The following SNAP23 variants were observed in gnomAD, a reference collection of about 807,000 sequenced individuals.
SNAP23 encodes the protein synaptosome associated protein 23.
A neutral mutation model predicts 29.0 loss-of-function variants in SNAP23; 11 were observed. The observed-to-expected ratio is 0.38, with a 90% confidence interval of 0.24 to 0.63. The LOEUF (loss-of-function observed/expected upper bound fraction) is 0.63, where lower values mean the gene tolerates loss of function less well. Among genes scored for constraint, SNAP23 ranks in the 20% least tolerant of loss-of-function variants. The pLI, the probability that SNAP23 is intolerant of heterozygous loss-of-function variation, is 0.58. For missense variants in SNAP23, 220 were observed against 253.9 expected, an observed-to-expected ratio of 0.87 and a Z score of 0.91; for synonymous variants, 60 against 82.9, an observed-to-expected ratio of 0.72 and a Z score of 1.50.
chr15:42,503,728 C>G (rs1243446383), intron 1 of SNAP23, among the ~76,000 whole-genome samples: 4 of 151,954 alleles, frequency 2.6e-5, no homozygotes, highest in African/African-American at 9.7e-5. Flanking sequence ...GTCTCAAACT[C>G]CTGACCTCAG....
At chr15:42,501,199 C>G (rs1188566979) in intron 1 of SNAP23, among the ~76,000 whole-genome samples, 5 of 152,156 alleles carry the variant, frequency 3.3e-5, no homozygotes, top group South Asian at 2.1e-4. Context: ...ATACAAAGCT[C>G]TTCACAATAT....
intron 5 of SNAP23, among the ~76,000 whole-genome samples, chr15:42,524,604 C>T (rs1377142339): frequency 6.6e-6 from 1 of 152,072 alleles, no homozygotes; most frequent in Non-Finnish European, 1.5e-5. Context: ...CAATTTCATC[C>T]CCAAAGCATC....
At chr15:42,508,569 C>T (rs17709867) in intron 1 of SNAP23, among the ~76,000 whole-genome samples, 15,492 of 152,164 alleles carry the variant, frequency 0.1, 1,028 homozygotes, top group Non-Finnish European at 0.15. Flanking sequence ...AGCAGAACTT[C>T]GAGTTCACAT....
chr15:42,528,647 G>A (rs946877402), intron 6 of SNAP23, among the ~76,000 whole-genome samples: 9 of 152,034 alleles, frequency 5.9e-5, no homozygotes, highest in African/African-American at 1.2e-4. Flanking sequence ...GTGCAGTGGC[G>A]TGATCTCAGC....
At chr15:42,496,482 C>T (rs1323389236) in intron 1 of SNAP23, among the ~76,000 whole-genome samples, 1 of 152,014 alleles carries the variant, frequency 6.6e-6, no homozygotes, top group African/African-American at 2.4e-5. Flanking sequence ...TTTGGGAGGT[C>T]GAGGAGAGAG....
chr15:42,507,036 T>G (rs2057322267), intron 1 of SNAP23, among the ~76,000 whole-genome samples: 1 of 152,148 alleles, frequency 6.6e-6, no homozygotes, highest in Non-Finnish European at 1.5e-5. Context: ...CAGGCTGGTC[T>G]TGAATTCCTG....
chr15:42,499,292 G>A (rs2057248958), intron 1 of SNAP23, among the ~76,000 whole-genome samples: 2 of 152,052 alleles, frequency 1.3e-5, no homozygotes, highest in Non-Finnish European at 2.9e-5. Flanking sequence ...GGCTGGTCTC[G>A]AGCTCCCGAC....
intron 7 of SNAP23, 42 bp from the exon 8 acceptor site, chr15:42,531,371 A>C: frequency 7.4e-7 from 1 of 1,354,560 alleles, no homozygotes; most frequent in Middle Eastern, 2.6e-4. Context: ...TTTTTATTAG[A>C]GTTACTTACC....
chr15:42,495,910 G>A (rs376660412), intron 1 of SNAP23, 197 bp downstream of exon 1: 1 of 152,350 alleles, frequency 6.6e-6, no homozygotes, highest in African/African-American at 2.4e-5. Context: ...CGAGGGACCA[G>A]TGGAGGAAGG....
In SNAP23 at chr15:42,515,345, C is replaced by T. The variant is rs1190682930; in HGVS notation, c.257C>T (p.Pro86Leu). Residue 86 changes from proline to leucine, a missense_variant, in exon 5 of 8, where the codon CCA (proline) becomes CTA (leucine). Transcript: ENST00000249647. The part of the protein sequence containing the change: ...LNKCCGLCVC[P>L]CNRTKNFESG... ...AAATGCTGTGGCCTTTGTGTCTGCCCATGTAATAGGTGAGTTGATAAATTA... is the reference window on the plus strand; with the variant it reads ...AAATGCTGTGGCCTTTGTGTCTGCCTATGTAATAGGTGAGTTGATAAATTA... The T allele has an allele frequency of 1.3e-6, 2 of 1,587,808 alleles. No homozygotes were observed. Among genetic ancestry groups the T allele is most frequent in the Non-Finnish European group, 1.7e-6 (2 of 1,159,410 alleles).
intron 5 of SNAP23, among the ~76,000 whole-genome samples, chr15:42,524,436 G>A (rs1259871849): frequency 1.3e-5 from 2 of 152,158 alleles, no homozygotes; most frequent in African/African-American, 4.8e-5. Flanking sequence ...CTCATAGCAG[G>A]AGGTGAGCAT....
At chr15:42,513,141 C>G (rs770008422) in intron 3 of SNAP23, 145 bp downstream of exon 3, 3 of 773,000 alleles carry the variant, frequency 3.9e-6, no homozygotes, top group Non-Finnish European at 6.8e-6. Context: ...AAACCATGCA[C>G]TAATGGGAAT....
Position 42,503,212 on chromosome 15 carries a change from TG to T in SNAP23, c.-15+7500del, listed in dbSNP as rs2057289488. Among the ~76,000 whole-genome samples, 3 of 152,292 alleles carry T rather than the reference TG, an allele frequency of 2.0e-5. No individual in the cohort carries two copies. The South Asian group carries it at 6.2e-4, about 32-fold the overall frequency. ...TTTTGTTTGTTTTGTTTTTTCGTGT[TG>T]TTTTTTAAGATGGAGTCTCGCTCTG... is the stretch of plus-strand genomic sequence containing the variant. On this transcript the variant is annotated intron_variant, in intron 1 of 7. Transcript: ENST00000249647.
chr15:42,501,243 A>C (rs367607322), intron 1 of SNAP23, among the ~76,000 whole-genome samples: 107 of 152,308 alleles, frequency 7.0e-4, no homozygotes, highest in Non-Finnish European at 1.3e-3. Flanking sequence ...CCTGCCCTCC[A>C]TACATACACA....
chr15:42,500,306 C>G (rs925814385), intron 1 of SNAP23, among the ~76,000 whole-genome samples: 1 of 151,434 alleles, frequency 6.6e-6, no homozygotes, highest in Non-Finnish European at 1.5e-5. Flanking sequence ...GAGTGCTGAA[C>G]TTTTTATTCC....
intron 1 of SNAP23, among the ~76,000 whole-genome samples, chr15:42,501,344 G>A (rs754073021): frequency 3.9e-5 from 6 of 151,932 alleles, no homozygotes; most frequent in Non-Finnish European, 8.8e-5. Context: ...TAATTTTTTG[G>A]ACTTGATCAT....
chr15:42,514,186 C>T (rs1049756900), intron 4 of SNAP23, among the ~76,000 whole-genome samples: 2 of 151,126 alleles, frequency 1.3e-5, no homozygotes, highest in African/African-American at 4.9e-5. Flanking sequence ...CACCCAGGCT[C>T]GAGTGCAGTG....
intron 7 of SNAP23, among the ~76,000 whole-genome samples, chr15:42,530,244 T>C (rs1389341195): frequency 1.3e-5 from 2 of 152,178 alleles, no homozygotes; most frequent in Non-Finnish European, 2.9e-5. Context: ...CACATCAGCC[T>C]ATTTTGTTAA....
At chr15:42,500,805 T>A (rs997164786) in intron 1 of SNAP23, among the ~76,000 whole-genome samples, 3 of 152,218 alleles carry the variant, frequency 2.0e-5, no homozygotes, top group African/African-American at 7.2e-5. Flanking sequence ...TACTGTGTTT[T>A]TTTAAATAGT....
Sources: gnomAD v4.1 joint callset for allele counts (sites outside exome capture counted in the v4.1 genomes callset) on GRCh38, gnomAD v4.1.1 for gene constraint, MANE v1.5 for transcripts, NCBI Gene and HGNC (gene_info 2026-07-23, HGNC 2026-07-21) for gene names.